Variants in ANLN observed in about 807,000 individuals in gnomAD.
ANLN encodes anillin, actin binding protein, also known as anillin.
Under a neutral mutation model 135.1 loss-of-function variants are expected in ANLN, and 59 were observed. That is an observed-to-expected ratio of 0.44 (90% CI 0.35 to 0.54). ANLN has a LOEUF of 0.54. ANLN is among the 20% of genes least tolerant of loss of function. ANLN has a pLI of 0.00. For missense variants in ANLN, 1,182 were observed against 1,340.0 expected, an observed-to-expected ratio of 0.88 and a Z score of 1.84; for synonymous variants, 406 against 456.4, an observed-to-expected ratio of 0.89 and a Z score of 1.41.
At chr7:36,444,434 A>G (rs1788910147) in intron 22 of ANLN, among the ~76,000 whole-genome samples, 1 of 151,616 alleles carries the variant, frequency 6.6e-6, no homozygotes, top group South Asian at 2.1e-4. Flanking sequence ...TTTCTACTGG[A>G]TGTTTAATTA....
chr7:36,428,776 ATTTT>A (rs35428425), intron 20 of ANLN, among the ~76,000 whole-genome samples: 2 of 114,624 alleles, frequency 1.7e-5, no homozygotes, highest in Non-Finnish European at 1.7e-5. Context: ...ATAAAAGCAG[ATTTT>A]TTTTTTTTTT....
intron 13 of ANLN, 138 bp downstream of exon 13, chr7:36,422,130 T>G: frequency 3.7e-6 from 4 of 1,084,124 alleles, no homozygotes; most frequent in Non-Finnish European, 5.2e-6. Flanking sequence ...TTGTTCTTGT[T>G]TTTATAAGGT....
chr7:36,443,581 T>G (rs935915194), intron 21 of ANLN, among the ~76,000 whole-genome samples, 174 bp from the exon 22 acceptor site: 1 of 152,164 alleles, frequency 6.6e-6, no homozygotes, highest in African/African-American at 2.4e-5. Flanking sequence ...ATTTCTGATA[T>G]GAATAATCAG....
At chr7:36,415,654 A>T in intron 7 of ANLN, 104 bp from the exon 8 acceptor site, 3 of 1,277,318 alleles carry the variant, frequency 2.3e-6, no homozygotes, top group Non-Finnish European at 3.1e-6. Flanking sequence ...AAGGAAACTT[A>T]TACAGAATAA....
rs772956763 is a variant in ANLN at position 36,410,560 on chromosome 7, T to C, written c.1143T>C (p.Cys381=). The change falls in exon 6 of 24, where the codon TGT becomes TGC. Residue 381 remains cysteine, a synonymous_variant. Transcript: ENST00000265748. ...KPFLERFGER[C]QEHSKESPAR... ...TCCTGGAACGCTTTGGAGAGCGTTGTCAAGAACATAGCAAAGAAAGTCCAG... is the reference window on the plus strand; with the variant it reads ...TCCTGGAACGCTTTGGAGAGCGTTGCCAAGAACATAGCAAAGAAAGTCCAG... 6.2e-7 allele frequency: 1 copy of C among 1,613,904 alleles called. No individual in the cohort carries two copies. Among genetic ancestry groups the C allele is most frequent in the Non-Finnish European group, 8.5e-7 (1 of 1,179,922 alleles).
At chr7:36,450,482 G>A (rs1450820012) in intron 23 of ANLN, among the ~76,000 whole-genome samples, 1 of 152,194 alleles carries the variant, frequency 6.6e-6, no homozygotes, top group Non-Finnish European at 1.5e-5. Context: ...GGATATTGCA[G>A]ATGGGGGGAG....
chr7:36,447,525 C>T (rs532077301), intron 22 of ANLN, among the ~76,000 whole-genome samples: 5 of 150,368 alleles, frequency 3.3e-5, no homozygotes, highest in South Asian at 2.1e-4. Context: ...CCCGGGTTCA[C>T]GCCATTCTCC....
chr7:36,421,955 A>C lies in ANLN; in HGVS notation c.2262A>C (p.Leu754=). The change falls in exon 13 of 24, where the codon CTA becomes CTC. Residue 754 remains leucine (L), a synonymous_variant. Transcript: ENST00000265748. The part of the protein sequence containing the change: ...CVDEEHGKGS[L]EEAEAERLLL... ...ATGAAGAACATGGAAAAGGGTCCCTAGAAGAAGCTGAAGCAGAAAGACTTC... is the reference window on the plus strand; with the variant it reads ...ATGAAGAACATGGAAAAGGGTCCCTCGAAGAAGCTGAAGCAGAAAGACTTC... 1.2e-6 allele frequency: 2 copies of C among 1,613,718 alleles called. No homozygotes were observed. The highest frequency in any genetic ancestry group is 2.2e-5 in the South Asian group (2 of 91,040).
chr7:36,406,356 A>G lies in ANLN; in HGVS notation c.663A>G (p.Ala221=). The change falls in exon 4 of 24, where the codon GCA becomes GCG. Residue 221 remains alanine, a synonymous_variant. Coordinates refer to ENST00000265748, the MANE Select transcript of ANLN (RefSeq NM_018685.5). The part of the protein sequence containing the change: ...SWEDDVNHSF[A]KQNSVQEQPG... The stretch of plus-strand genomic sequence containing the variant: ...AAGATGATGTAAATCACTCATTTGC[A>G]AAACAAAACAGTGTACAAGAACAGC... 1 of 1,614,170 alleles carries G rather than the reference A, an allele frequency of 6.2e-7. No homozygotes were observed. Among genetic ancestry groups the G allele is most frequent in the South Asian group, 1.1e-5 (1 of 91,082 alleles).
chr7:36,404,119 C>T (rs577107956), intron 3 of ANLN, among the ~76,000 whole-genome samples: 8 of 152,226 alleles, frequency 5.3e-5, no homozygotes, highest in South Asian at 2.1e-4. Context: ...TGCAGGCGCC[C>T]GTCACCGTGC....
intron 18 of ANLN, 80 bp downstream of exon 18, chr7:36,425,820 T>C: frequency 6.9e-7 from 1 of 1,449,786 alleles, no homozygotes; most frequent in Non-Finnish European, 9.6e-7. Flanking sequence ...GTTAACCATT[T>C]CTGAACCTTG....
At chr7:36,437,043 AATT>A (rs1305055764) in intron 20 of ANLN, among the ~76,000 whole-genome samples, 13 of 152,154 alleles carry the variant, frequency 8.5e-5, no homozygotes, top group African/African-American at 2.9e-4. Context: ...GTATACAGTG[AATT>A]ATTGTGAACT....
At chr7:36,436,231 G>C (rs1195673505) in intron 20 of ANLN, among the ~76,000 whole-genome samples, 2 of 151,988 alleles carry the variant, frequency 1.3e-5, no homozygotes, top group Non-Finnish European at 2.9e-5. Context: ...AACTTTTTAT[G>C]TCTGGCTTAT....
chr7:36,445,596 T>G (rs1018359973), intron 22 of ANLN, among the ~76,000 whole-genome samples: 7 of 152,322 alleles, frequency 4.6e-5, no homozygotes, highest in Non-Finnish European at 7.4e-5. Flanking sequence ...ACCCTTAGAT[T>G]ATTTCTAAAT....
chr7:36,418,107 G>A (rs777390772), intron 9 of ANLN, among the ~76,000 whole-genome samples: 7 of 152,192 alleles, frequency 4.6e-5, no homozygotes, highest in Non-Finnish European at 7.3e-5. Flanking sequence ...GGATATGGGT[G>A]AGGTATACGG....
rs1789167507 is a variant in ANLN at position 36,449,757 on chromosome 7, A to G, written c.3171A>G (p.Glu1057=). ...TTTGTGCAAGACGCAACACTTTTGA[A>G]TTAATTACTGTCCGACCACAAAGAG... ...REFCARRNTF[E]LITVRPQRED... Residue 1057 remains glutamate, a synonymous_variant, in exon 23 of 24, where the codon GAA becomes GAG. Coordinates refer to ENST00000265748, the MANE Select transcript of ANLN (RefSeq NM_018685.5). The G allele has an allele frequency of 6.2e-7, 1 of 1,614,072 alleles. No individual in the cohort carries two copies.
At chr7:36,450,448 A>G (rs1334417566) in intron 23 of ANLN, among the ~76,000 whole-genome samples, 1 of 152,172 alleles carries the variant, frequency 6.6e-6, no homozygotes, top group Non-Finnish European at 1.5e-5. Flanking sequence ...ATTTGATAAG[A>G]TGTTTGGTAA....
intron 22 of ANLN, among the ~76,000 whole-genome samples, chr7:36,446,203 G>A (rs1262230256): frequency 6.6e-6 from 1 of 152,020 alleles, no homozygotes; most frequent in African/African-American, 2.4e-5. Flanking sequence ...GCTTTTTAGG[G>A]TCTAATTTAA....
chr7:36,395,082 T>C (rs995060336), intron 1 of ANLN, among the ~76,000 whole-genome samples: 4 of 152,252 alleles, frequency 2.6e-5, no homozygotes, highest in Admixed American at 2.0e-4. Flanking sequence ...TATTTATCTC[T>C]TGCTGCTTAC....
Sources: allele counts gnomAD v4.1 joint callset (sites outside exome capture counted in the v4.1 genomes callset), GRCh38; gene constraint gnomAD v4.1.1; transcripts MANE v1.5; gene names NCBI Gene and HGNC (gene_info 2026-07-23, HGNC 2026-07-21).